Variants in PRKCA observed in about 807,000 individuals in gnomAD.
PRKCA encodes the protein protein kinase C alpha type.
Under a neutral mutation model 87.0 loss-of-function variants are expected in PRKCA, and 27 were observed. The ratio of observed to expected loss-of-function variants is 0.31; its 90% CI spans 0.23 to 0.43. PRKCA has a LOEUF of 0.43. PRKCA is among the 20% of genes least tolerant of loss of function. The pLI is 1.00. For synonymous variants in PRKCA, 329 were observed against 311.1 expected (o/e 1.06, Z -0.61); for missense variants, 518 against 852.3 (o/e 0.61, Z 4.88).
At chr17:66,787,800 T>C (rs1975438420) in intron 15 of PRKCA, among the ~76,000 whole-genome samples, 1 of 152,124 alleles carries the variant, frequency 6.6e-6, no homozygotes, top group South Asian at 2.1e-4. Flanking sequence ...AACCTTACAG[T>C]GTTGCTCCTG....
At chr17:66,449,724 A>T (rs1178733166) in intron 2 of PRKCA, among the ~76,000 whole-genome samples, 1 of 152,158 alleles carries the variant, frequency 6.6e-6, no homozygotes, top group Non-Finnish European at 1.5e-5. Flanking sequence ...TCCAGGGCTG[A>T]GGTTGTTGCT....
intron 2 of PRKCA, among the ~76,000 whole-genome samples, chr17:66,308,613 C>A (rs1397520926): frequency 2.6e-5 from 4 of 152,032 alleles, no homozygotes; most frequent in Non-Finnish European, 4.4e-5. Flanking sequence ...AGACCTTTTC[C>A]AATAGTATAC....
At chr17:66,801,286 G>A (rs1040961644) in intron 16 of PRKCA, among the ~76,000 whole-genome samples, 3 of 152,174 alleles carry the variant, frequency 2.0e-5, no homozygotes, top group South Asian at 2.1e-4. Context: ...TCTTTGGGGC[G>A]GGGGCAGTGT....
chr17:66,442,094 G>A (rs1220546308), intron 2 of PRKCA, among the ~76,000 whole-genome samples: 3 of 150,654 alleles, frequency 2.0e-5, no homozygotes, highest in Non-Finnish European at 2.9e-5. Flanking sequence ...ATGGAGTCTC[G>A]CTCTGTTGCC....
intron 2 of PRKCA, among the ~76,000 whole-genome samples, chr17:66,454,646 G>A (rs1391219944): frequency 1.1e-4 from 16 of 152,176 alleles, no homozygotes; most frequent in Admixed American, 9.8e-4. Flanking sequence ...AGAGCCAAGC[G>A]AAACAAGTTT....
chr17:66,381,042 A>C (rs1316260885), intron 2 of PRKCA, among the ~76,000 whole-genome samples: 2 of 151,570 alleles, frequency 1.3e-5, no homozygotes, highest in Non-Finnish European at 2.9e-5. Context: ...TGGGCTCAAG[A>C]GATCCTCTTG....
At chr17:66,688,524 T>C (rs1010545) in intron 7 of PRKCA, 88 bp downstream of exon 7, 523,789 of 1,513,484 alleles carry the variant, frequency 0.35, 93,224 homozygotes, top group Middle Eastern at 0.37. Context: ...CAGTTGAGGC[T>C]GGACATGGTG....
At chr17:66,709,200 C>A in intron 8 of PRKCA, among the ~76,000 whole-genome samples, 1 of 151,990 alleles carries the variant, frequency 6.6e-6, no homozygotes, top group East Asian at 1.9e-4. Context: ...CTGGAAGCCA[C>A]CTCTCACTGC....
chr17:66,470,462 AGGTGATCCACCC>A (rs983401264), intron 2 of PRKCA, among the ~76,000 whole-genome samples: 4 of 151,944 alleles, frequency 2.6e-5, no homozygotes, highest in Non-Finnish European at 5.9e-5. Context: ...TCCTGACCTC[AGGTGATCCACCC>A]GCCTCGGCCT....
chr17:66,732,250 G>T (rs1973920199), intron 8 of PRKCA, among the ~76,000 whole-genome samples: 1 of 152,026 alleles, frequency 6.6e-6, no homozygotes, highest in Non-Finnish European at 1.5e-5. Flanking sequence ...CTCCCTTTTG[G>T]TGTGGGTACA....
At chr17:66,401,550 T>G (rs989437711) in intron 2 of PRKCA, among the ~76,000 whole-genome samples, 3 of 152,152 alleles carry the variant, frequency 2.0e-5, no homozygotes, top group African/African-American at 7.2e-5. Context: ...TGTGGACGGC[T>G]TTGTGCTCTC....
intron 2 of PRKCA, among the ~76,000 whole-genome samples, chr17:66,313,748 T>C (rs1157512167): frequency 1.3e-5 from 2 of 152,232 alleles, no homozygotes; most frequent in Non-Finnish European, 2.9e-5. Context: ...AAAATTTTTG[T>C]ACCTGAAAGG....
At chr17:66,525,650 C>T (rs1967321534) in intron 3 of PRKCA, among the ~76,000 whole-genome samples, 1 of 152,144 alleles carries the variant, frequency 6.6e-6, no homozygotes, top group Admixed American at 6.6e-5. Context: ...ACTAACATGA[C>T]CCTGACCAGA....
chr17:66,745,730 C>T (rs954544545), intron 13 of PRKCA, among the ~76,000 whole-genome samples: 12 of 152,136 alleles, frequency 7.9e-5, no homozygotes, highest in African/African-American at 2.9e-4. Flanking sequence ...ATTTAATCCT[C>T]ATGACAAGCC....
At chr17:66,488,490 C>T (rs1398317638) in intron 2 of PRKCA, among the ~76,000 whole-genome samples, 3 of 152,176 alleles carry the variant, frequency 2.0e-5, no homozygotes, top group African/African-American at 4.8e-5. Context: ...CTCAGTTGCT[C>T]TGGCCGGGAG....
chr17:66,411,335 T>TACAGGCATGAGCCACTGCGC (rs1438898696), intron 2 of PRKCA, among the ~76,000 whole-genome samples: 1 of 151,980 alleles, frequency 6.6e-6, no homozygotes, highest in Non-Finnish European at 1.5e-5. Flanking sequence ...GTGCTGGGAT[T>TACAGGCATGAGCCACTGCGC]ACAGGCATGA....
intron 2 of PRKCA, among the ~76,000 whole-genome samples, chr17:66,379,543 T>C (rs533415885): frequency 1.1e-3 from 174 of 152,346 alleles, no homozygotes; most frequent in Non-Finnish European, 2.1e-3. Context: ...TCCTATTCTG[T>C]GAGTTGTCTT....
At chr17:66,774,849 G>T (rs1156290448) in intron 14 of PRKCA, 15 of 985,248 alleles carry the variant, frequency 1.5e-5, no homozygotes, top group Non-Finnish European at 1.8e-5. Context: ...GCAATTCGTT[G>T]TAATTTTCAC....
intron 2 of PRKCA, among the ~76,000 whole-genome samples, chr17:66,491,344 G>A (rs1471330787): frequency 6.6e-6 from 1 of 152,230 alleles, no homozygotes; most frequent in East Asian, 1.9e-4. Context: ...CTCTGAGTGA[G>A]TTTTTGTTGG....
Sources: allele counts gnomAD v4.1 joint callset (sites outside exome capture counted in the v4.1 genomes callset), GRCh38; gene constraint gnomAD v4.1.1; transcripts MANE v1.5; gene names NCBI Gene and HGNC (gene_info 2026-07-23, HGNC 2026-07-21).